The following ZNF184 variants were observed in gnomAD, a reference collection of about 807,000 sequenced individuals.
The protein encoded by ZNF184 is zinc finger protein 184 (Kruppel-like).
A neutral mutation model predicts 54.4 loss-of-function variants in ZNF184; 16 were observed. The ratio of observed to expected loss-of-function variants is 0.29; its 90% CI spans 0.20 to 0.45. The LOEUF (loss-of-function observed/expected upper bound fraction) is 0.45, where lower values mean the gene tolerates loss of function less well. Among genes scored for constraint, ZNF184 ranks in the 20% least tolerant of loss-of-function variants. The pLI is 1.00. For synonymous variants in ZNF184, 254 were observed against 295.3 expected (o/e 0.86, Z 1.43); for missense variants, 681 against 888.2 (o/e 0.77, Z 2.97).
At chr6:27,424,684 G>C in the ZNF184 span, among the ~76,000 whole-genome samples, 1 of 152,188 alleles carries the variant, frequency 6.6e-6, no homozygotes, top group African/African-American at 2.4e-5. Flanking sequence ...ACAGAGTGCC[G>C]ATTGGTGTAT....
chr6:27,413,214 G>A, the ZNF184 span, among the ~76,000 whole-genome samples: 88,697 of 151,710 alleles, frequency 0.58, 26,373 homozygotes, highest in Middle Eastern at 0.75. Flanking sequence ...GCCAGAGATC[G>A]TGCCATTGCA....
At chr6:27,441,867 ATACT>A in the ZNF184 span, among the ~76,000 whole-genome samples, 5 of 152,248 alleles carry the variant, frequency 3.3e-5, no homozygotes, top group Non-Finnish European at 7.3e-5. Context: ...GAAGACTGAA[ATACT>A]TAGTGAACAC....
chr6:27,407,063 C>G, the ZNF184 span: 1 of 152,728 alleles, frequency 6.5e-6, no homozygotes, highest in Non-Finnish European at 1.5e-5. Context: ...GCTGCAGCCA[C>G]ATAGCCAACC....
the ZNF184 span, chr6:27,407,654 G>T: frequency 1.6e-6 from 1 of 628,206 alleles, no homozygotes; most frequent in East Asian, 2.8e-5. Flanking sequence ...CGCCAAACTT[G>T]CTGAGTCATG....
At chr6:27,425,180 C>T in the ZNF184 span, among the ~76,000 whole-genome samples, 2 of 152,334 alleles carry the variant, frequency 1.3e-5, no homozygotes, top group South Asian at 2.1e-4. Context: ...AAGCGCCGCG[C>T]GCAACCCTGG....
At chr6:27,433,426 T>C in the ZNF184 span, among the ~76,000 whole-genome samples, 1 of 152,238 alleles carries the variant, frequency 6.6e-6, no homozygotes, top group African/African-American at 2.4e-5. Flanking sequence ...ACATTCACAA[T>C]GCTGAGCAAT....
At chr6:27,456,966 A>G (rs746296067) in intron 4 of ZNF184, 45 bp from the exon 5 acceptor site, 1 of 1,528,530 alleles carries the variant, frequency 6.5e-7, no homozygotes, top group South Asian at 1.1e-5. Flanking sequence ...GTAAGGGGAA[A>G]GTACCATATC....
At chr6:27,454,410 A>AG (rs1031885736) in intron 5 of ZNF184, among the ~76,000 whole-genome samples, 17 of 152,210 alleles carry the variant, frequency 1.1e-4, no homozygotes, top group African/African-American at 3.6e-4. Context: ...TTTCTACAGG[A>AG]GGGACGACAT....
chr6:27,428,555 C>G, the ZNF184 span, among the ~76,000 whole-genome samples: 1 of 152,186 alleles, frequency 6.6e-6, no homozygotes, highest in Non-Finnish European at 1.5e-5. This position sits in a 1 kb window ranked among gnomAD's most constrained non-coding sequence, Gnocchi z 4.1. Context: ...CCAAACTCCA[C>G]TGGTAAATGG....
At chr6:27,423,519 GC>G in the ZNF184 span, among the ~76,000 whole-genome samples, 3 of 151,852 alleles carry the variant, frequency 2.0e-5, no homozygotes, top group African/African-American at 7.3e-5. Context: ...TAATAATTCA[GC>G]CCATCAAAGG....
chr6:27,422,668 C>T, the ZNF184 span, among the ~76,000 whole-genome samples: 4 of 152,138 alleles, frequency 2.6e-5, no homozygotes, highest in Non-Finnish European at 5.9e-5. Context: ...TGGAAAAGCT[C>T]TAGGTCAGGT....
chr6:27,420,825 C>G, the ZNF184 span, among the ~76,000 whole-genome samples: 1 of 152,118 alleles, frequency 6.6e-6, no homozygotes, highest in African/African-American at 2.4e-5. Context: ...TTCACAATTA[C>G]AAAAACATGG....
chr6:27,443,362 C>T, the ZNF184 span, among the ~76,000 whole-genome samples: 1 of 152,200 alleles, frequency 6.6e-6, no homozygotes, highest in Non-Finnish European at 1.5e-5. Context: ...CACTTACTAC[C>T]CCTTGCTGAA....
In ZNF184 at chr6:27,453,942, A is replaced by G. The variant is rs557690956; in HGVS notation, c.299-682T>C. ...AGCTCAAAAAAAGAAGGACAAGAATAGCTAAAGCCTTAGAAATATATGTGA... is the reference window on the plus strand; with the variant it reads ...AGCTCAAAAAAAGAAGGACAAGAATGGCTAAAGCCTTAGAAATATATGTGA... On this transcript the variant is annotated intron_variant, in intron 5 of 5. Transcript: ENST00000683788. The surrounding 1 kb of genome is among the most constrained non-coding windows in gnomAD (Gnocchi z 4.7). Among the ~76,000 whole-genome samples the G allele has an allele frequency of 2.6e-5, 4 of 152,320 alleles. No homozygotes were observed. The East Asian group carries it at 7.7e-4, about 29-fold the overall frequency.
At chr6:27,438,232 T>C in the ZNF184 span, among the ~76,000 whole-genome samples, 1 of 152,220 alleles carries the variant, frequency 6.6e-6, no homozygotes, top group African/African-American at 2.4e-5. Context: ...TTTCATTATA[T>C]AATTTTAATT....
At chr6:27,409,687 CAAAA>C in the ZNF184 span, among the ~76,000 whole-genome samples, 2 of 149,726 alleles carry the variant, frequency 1.3e-5, no homozygotes, top group African/African-American at 4.9e-5. Flanking sequence ...AATGATGAAA[CAAAA>C]AAAAAGTTAT....
intron 3 of ZNF184, among the ~76,000 whole-genome samples, chr6:27,466,160 GAGAGAGAGAGAT>G (rs1268741748): frequency 4.5e-5 from 4 of 88,518 alleles, no homozygotes; most frequent in African/African-American, 1.5e-4. Flanking sequence ...GAGAGAGAGA[GAGAGAGAGAGAT>G]AAATTTGAAG....
chr6:27,420,284 A>G, the ZNF184 span, among the ~76,000 whole-genome samples: 1 of 152,330 alleles, frequency 6.6e-6, no homozygotes, highest in Middle Eastern at 3.4e-3. Flanking sequence ...TTTCTCAGGC[A>G]TTTCACATTC....
At chr6:27,463,606 AC>A (rs1763054281) in intron 3 of ZNF184, among the ~76,000 whole-genome samples, 1 of 152,110 alleles carries the variant, frequency 6.6e-6, no homozygotes, top group Admixed American at 6.5e-5. Flanking sequence ...CTTGATTTTA[AC>A]CACAAAAAAA....
Sources: gnomAD v4.1 joint callset for allele counts (sites outside exome capture counted in the v4.1 genomes callset) on GRCh38, gnomAD v4.1.1 for gene constraint, Gnocchi (gnomAD v3.1) non-coding constraint, MANE v1.5 for transcripts, NCBI Gene and HGNC (gene_info 2026-07-23, HGNC 2026-07-21) for gene names.